The following SEC61B variants were observed in gnomAD, a reference collection of about 807,000 sequenced individuals.
The protein encoded by SEC61B is protein transport protein Sec61 subunit beta.
SEC61B carries 7 observed loss-of-function variants against 12.6 expected under a neutral mutation model. The observed-to-expected ratio is 0.55, with a 90% CI of 0.32 to 1.04. SEC61B has a LOEUF of 1.04. SEC61B is among the 50% of genes least tolerant of loss of function. The pLI is 0.05. For synonymous variants in SEC61B, 54 were observed against 50.1 expected, an observed-to-expected ratio of 1.08 and a Z score of -0.33; for missense variants, 107 against 130.1, an observed-to-expected ratio of 0.82 and a Z score of 0.86.
chr9:99,228,098 G>A (rs1828919825), intron 3 of SEC61B, 98 bp downstream of exon 3: 3 of 917,444 alleles, frequency 3.3e-6, no homozygotes, highest in Non-Finnish European at 3.4e-6. Flanking sequence ...GCCTTGATGC[G>A]ATTTACTGTA....
intron 2 of SEC61B, 30 bp downstream of exon 2, chr9:99,222,673 A>G (rs1469905935): frequency 2.8e-6 from 4 of 1,435,902 alleles, no homozygotes; most frequent in Non-Finnish European, 3.7e-6. Context: ...GTTCGCTTCC[A>G]GACTCGGAGA....
rs1436366205 is a variant in SEC61B, at chr9:99,228,084, GT to G, written c.203+87del. On this transcript the variant is annotated intron_variant, in intron 3 of 3. Coordinates refer to ENST00000223641, the MANE Select transcript of SEC61B (RefSeq NM_006808.3). ...GCACTCTGTCTCTGTCACCAGTAGC[GT>G]TTGCCTTGATGCGATTTACTGTACA... The G allele has an allele frequency of 9.2e-5, 99 of 1,080,344 alleles. 1 individual carries two copies. The highest frequency in any genetic ancestry group is 8.3e-6 in the Non-Finnish European group (6 of 723,676). The allele number at this position is 1,080,344 out of a possible 1,614,324, so 66.9% of individuals were successfully genotyped here. A position where few individuals can be genotyped will look rare whatever the true frequency, so the allele number is the denominator to read the frequency against.
chr9:99,222,432 G>C (rs1828837648), intron 1 of SEC61B, 66 bp downstream of exon 1: 1 of 1,612,392 alleles, frequency 6.2e-7, no homozygotes, highest in African/African-American at 1.3e-5. Flanking sequence ...TTTGCGCCGT[G>C]CTTTTCCTCT....
intron 2 of SEC61B, among the ~76,000 whole-genome samples, chr9:99,226,060 G>T (rs1304609179): frequency 6.6e-6 from 1 of 152,218 alleles, no homozygotes; most frequent in Non-Finnish European, 1.5e-5. Flanking sequence ...TCCCTGTACA[G>T]TTATGTTTTG....
rs1231368361 is a variant in SEC61B at position 99,222,462 on chromosome 9, C to T, written c.4-84C>T. The T allele has an allele frequency of 1.2e-5, 19 of 1,606,158 alleles. No individual in the cohort carries two copies. The East Asian group carries it at 2.7e-4, about 23-fold the overall frequency. On this transcript the variant is annotated intron_variant, in intron 1 of 3. Transcript: ENST00000223641. Reference sequence around the variant, plus strand: ...TCCTCTGTAGCTCCCTTGCTTCCCCCAGCCTCGGGTGTGGGTGTCTAGGCC... The same window carrying T: ...TCCTCTGTAGCTCCCTTGCTTCCCCTAGCCTCGGGTGTGGGTGTCTAGGCC...
chr9:99,226,526 C>G (rs1828897692), intron 2 of SEC61B, among the ~76,000 whole-genome samples: 1 of 152,166 alleles, frequency 6.6e-6, no homozygotes, highest in Admixed American at 6.5e-5. Flanking sequence ...GGATTTGATG[C>G]TGAATGGTGC....
intron 2 of SEC61B, among the ~76,000 whole-genome samples, chr9:99,226,409 T>C (rs1427323029): frequency 6.6e-6 from 1 of 152,170 alleles, no homozygotes; most frequent in South Asian, 2.1e-4. Flanking sequence ...ATGGTAGGGA[T>C]AGGGTTTTCA....
chr9:99,222,704 A>G (rs1828844218), intron 2 of SEC61B, 61 bp downstream of exon 2: 4 of 1,159,550 alleles, frequency 3.4e-6, no homozygotes, highest in African/African-American at 3.1e-5. Flanking sequence ...AACCTCGCTG[A>G]TTCTGGGGTG....
Position 99,222,568 on chromosome 9 carries a change from C to CT in SEC61B, c.27dup (p.Asn10Ter). The stretch of plus-strand genomic sequence containing the variant: ...CAGCCTGGTCCGACCCCCAGTGGCA[C>CT]TAACGTGGGATCCTCAGGGCGCTCT... On this transcript the variant is annotated frameshift_variant, in exon 2 of 4. Transcript: ENST00000223641. LOFTEE classifies it high-confidence loss of function. 6.4e-7 allele frequency: 1 copy of CT among 1,572,680 alleles called. No individual in the cohort carries two copies. Among genetic ancestry groups the CT allele is most frequent in the East Asian group, 2.4e-5 (1 of 42,182 alleles).
intron 2 of SEC61B, among the ~76,000 whole-genome samples, chr9:99,223,931 T>C (rs545421777): frequency 9.2e-5 from 14 of 152,336 alleles, no homozygotes; most frequent in African/African-American, 3.4e-4. Context: ...GATGTTTCCA[T>C]ATTTATCTCC....
In SEC61B at chr9:99,227,892, C is replaced by T; in HGVS notation, c.102-7C>T. ...AAGGCCATTTGTAACATTTTCCTCT[C>T]TTTCAGGAAAAATGCCAGCTGTGGG... On this transcript the variant is annotated splice_polypyrimidine_tract_variant and splice_region_variant and intron_variant, in intron 2 of 3. Coordinates refer to ENST00000223641, the MANE Select transcript of SEC61B (RefSeq NM_006808.3). 2 of 1,610,738 alleles carry T rather than the reference C, an allele frequency of 1.2e-6. No homozygotes were observed. The highest frequency in any genetic ancestry group is 1.7e-6 in the Non-Finnish European group (2 of 1,177,188).
At chr9:99,227,265 C>CAAAAAAAAAAA (rs59719935) in intron 2 of SEC61B, among the ~76,000 whole-genome samples, 1 of 10,740 alleles carries the variant, frequency 9.3e-5, no homozygotes, top group African/African-American at 3.2e-4. Flanking sequence ...AACTCCATCT[C>CAAAAAAAAAAA]AAAAAAAAAA....
intron 2 of SEC61B, among the ~76,000 whole-genome samples, chr9:99,225,846 T>C (rs1340676499): frequency 6.6e-6 from 1 of 152,132 alleles, no homozygotes; most frequent in African/African-American, 2.4e-5. Flanking sequence ...ACTGGAGGTG[T>C]GATATTGTGG....
chr9:99,227,979 A>G lies in SEC61B; in HGVS notation c.182A>G (p.Glu61Gly). Reference protein sequence around the residue: ...GTGGMWRFYTEDSPGLKVGPV... With the variant: ...GTGGMWRFYTGDSPGLKVGPV... ...GGGGGGATGTGGCGATTCTACACAG[A>G]AGATTCACCTGGGCTCAAAGTGTAA... Residue 61 changes from glutamate (E) to glycine (G), a missense_variant, in exon 3 of 4, where the codon GAA becomes GGA. Glu to Gly is a moderately conservative substitution (Grantham distance 98, BLOSUM62 -2). Coordinates refer to ENST00000223641, the MANE Select transcript of SEC61B (RefSeq NM_006808.3). 1 of 1,613,930 alleles carries G rather than the reference A, an allele frequency of 6.2e-7. No individual in the cohort carries two copies. The highest frequency in any genetic ancestry group is 8.5e-7 in the Non-Finnish European group (1 of 1,179,820).
chr9:99,228,331 A>G (rs1411562815), intron 3 of SEC61B, among the ~76,000 whole-genome samples: 1 of 152,262 alleles, frequency 6.6e-6, no homozygotes, highest in Non-Finnish European at 1.5e-5. Context: ...CCCCGTACCA[A>G]GAAATAGGAG....
intron 3 of SEC61B, 98 bp from the exon 4 acceptor site, chr9:99,230,239 C>A: frequency 1.5e-6 from 1 of 671,344 alleles, no homozygotes; most frequent in South Asian, 2.0e-5. Flanking sequence ...GAGTGCTGCC[C>A]ACCTTACCTC....
intron 2 of SEC61B, among the ~76,000 whole-genome samples, chr9:99,225,705 A>G (rs1462780522): frequency 3.3e-5 from 5 of 152,244 alleles, no homozygotes; most frequent in Non-Finnish European, 7.3e-5. Flanking sequence ...AGTACACTTT[A>G]GTATTTCTAG....
chr9:99,228,097 C>A (rs1170551205), intron 3 of SEC61B, 97 bp downstream of exon 3: 2 of 922,094 alleles, frequency 2.2e-6, no homozygotes, highest in Non-Finnish European at 3.4e-6. Context: ...TGCCTTGATG[C>A]GATTTACTGT....
chr9:99,228,351 G>A (rs113226646), intron 3 of SEC61B, among the ~76,000 whole-genome samples: 2 of 152,208 alleles, frequency 1.3e-5, no homozygotes, highest in African/African-American at 2.4e-5. Context: ...GTAATCATTT[G>A]AATAGGAATT....
Sources: gnomAD v4.1 joint callset for allele counts (sites outside exome capture counted in the v4.1 genomes callset) on GRCh38, gnomAD v4.1.1 for gene constraint, MANE v1.5 for transcripts, NCBI Gene and HGNC (gene_info 2026-07-23, HGNC 2026-07-21) for gene names.